PCLO: variants seen among roughly 807,000 people sequenced by gnomAD.
PCLO encodes protein piccolo.
PCLO carries 82 observed loss-of-function variants against 427.5 expected under a neutral mutation model. The ratio of observed to expected loss-of-function variants is 0.19; its 90% CI spans 0.16 to 0.23. The LOEUF is 0.23. PCLO is among the 10% of genes least tolerant of loss of function. The probability of loss-of-function intolerance (pLI) is 1.00; values close to 1 mark genes in which losing one functional copy is unlikely to be tolerated. For missense variants in PCLO, 6,239 were observed against 6,115.9 expected (o/e 1.02, Z -0.67); for synonymous variants, 2,357 against 2,155.4 (o/e 1.09, Z -2.59).
At chr7:82,774,057 C>A (rs1459781571) in intron 22 of PCLO, among the ~76,000 whole-genome samples, 1 of 152,158 alleles carries the variant, frequency 6.6e-6, no homozygotes, top group Non-Finnish European at 1.5e-5. Flanking sequence ...ATTCTTTAGA[C>A]CAAAAGGTAG....
At chr7:83,013,602 C>A (rs946487961) in intron 3 of PCLO, among the ~76,000 whole-genome samples, 23 of 152,174 alleles carry the variant, frequency 1.5e-4, no homozygotes, top group Non-Finnish European at 5.9e-5. Flanking sequence ...AAATAAGGCA[C>A]ATCCCTGACC....
intron 9 of PCLO, among the ~76,000 whole-genome samples, chr7:82,901,282 G>A (rs1384447343): frequency 6.6e-6 from 1 of 151,766 alleles, no homozygotes; most frequent in African/African-American, 2.4e-5. Flanking sequence ...AAAAAGTGAT[G>A]TTTTCCAAAA....
At chr7:82,982,412 T>C (rs1397631183) in intron 3 of PCLO, among the ~76,000 whole-genome samples, 1 of 152,046 alleles carries the variant, frequency 6.6e-6, no homozygotes, top group Non-Finnish European at 1.5e-5. Context: ...CATGCTAAAC[T>C]GAAGGCAAGT....
At chr7:82,848,827 C>G in intron 10 of PCLO, 1 of 311,380 alleles carries the variant, frequency 3.2e-6, no homozygotes, top group Non-Finnish European at 6.6e-6. Context: ...CATAAAAAGG[C>G]TCACAATAAC....
At chr7:83,024,531 G>T (rs893921396) in intron 3 of PCLO, among the ~76,000 whole-genome samples, 3 of 152,118 alleles carry the variant, frequency 2.0e-5, no homozygotes, top group African/African-American at 7.2e-5. Flanking sequence ...GCTGGGGGAG[G>T]GGCGCCCGCC....
At position 83,101,196 on chromosome 7, in the gene PCLO, T is replaced by C. The variant is rs548064186; in HGVS notation, c.3300+33054A>G. Among the ~76,000 whole-genome samples, 43 of 152,014 alleles carry C rather than the reference T, an allele frequency of 2.8e-4. 1 individual carries two copies. The South Asian group carries it at 5.8e-3, about 21-fold the overall frequency. On this transcript the variant is annotated intron_variant, in intron 3 of 24. Transcript: ENST00000333891. ...TACCACAAAAAAGGAACATAATCAA[T>C]TTCAAATCACTTTTCCTTTTTATAT... is the stretch of plus-strand genomic sequence containing the variant.
chr7:82,977,710 G>A (rs1796052995), intron 3 of PCLO, among the ~76,000 whole-genome samples: 1 of 151,936 alleles, frequency 6.6e-6, no homozygotes, highest in Non-Finnish European at 1.5e-5. Flanking sequence ...CACTGCACCT[G>A]GCCCAAAATT....
Position 82,849,084 on chromosome 7 carries a change from T to C in PCLO, c.13655-1837A>G, listed in dbSNP as rs2115832209. Among the ~76,000 whole-genome samples the C allele has an allele frequency of 2.0e-5, 3 of 152,258 alleles. No homozygotes were observed. In the Middle Eastern group the frequency reaches 0.01, roughly 518 times the overall value. On this transcript the variant is annotated intron_variant, in intron 10 of 24. Transcript: ENST00000333891. ...TTGAATTCAATCAAATTAAAGTTAT[T>C]ATATTTCAGAAATTTCATTGTCACA...
chr7:82,824,402 T>A lies in PCLO; in HGVS notation c.14430A>T (p.Leu4810Phe). The A allele has an allele frequency of 6.3e-7, 1 of 1,596,492 alleles. No individual in the cohort carries two copies. Among genetic ancestry groups the A allele is most frequent in the South Asian group, 1.1e-5 (1 of 88,262 alleles). The change falls in exon 19 of 25, where the codon TTA becomes TTT. Residue 4810 changes from leucine to phenylalanine, a missense_variant. Physicochemically the swap from Leu to Phe is conservative, Grantham distance 22. This residue lies in a region of PCLO where 877 missense variants were observed against 925.5 expected (regional missense o/e 0.95). Coordinates refer to ENST00000333891, the MANE Select transcript of PCLO (RefSeq NM_033026.6). ...TGTTATCGAGGTGAGATGTGCTAGA[T>A]AAATCAATCAATACCTGAAAAAAAG... ...NDFLGEVLID[L>F]SSTSHLDNTP...
chr7:83,148,223 A>G (rs1419418167), intron 2 of PCLO, among the ~76,000 whole-genome samples: 1 of 152,176 alleles, frequency 6.6e-6, no homozygotes, highest in East Asian at 1.9e-4. Context: ...ACCATTAAAA[A>G]TTCTAGATTG....
chr7:83,038,017 A>ATATT (rs1788848852), intron 3 of PCLO, among the ~76,000 whole-genome samples: 2 of 44,908 alleles, frequency 4.5e-5, no homozygotes, highest in African/African-American at 2.9e-4. Flanking sequence ...ATATATATAT[A>ATATT]TATATATATA....
rs73707552 is a variant in PCLO at position 83,116,409 on chromosome 7, T to C, written c.3300+17841A>G. Among the ~76,000 whole-genome samples, 1,287 of 152,302 alleles carry C rather than the reference T, an allele frequency of 8.5e-3. 10 individuals are homozygous for C. Among genetic ancestry groups the C allele is most frequent in the African/African-American group, 0.029 (1,215 of 41,572 alleles). On this transcript the variant is annotated intron_variant, in intron 3 of 24. Coordinates refer to ENST00000333891, the MANE Select transcript of PCLO (RefSeq NM_033026.6). The stretch of plus-strand genomic sequence containing the variant: ...GAGATGTTCTTATTCGAATATAAGA[T>C]TGAGTTATTTATTTCACAAGTTTTC...
chr7:82,812,279 G>A (rs577651349), intron 20 of PCLO, among the ~76,000 whole-genome samples: 14 of 151,568 alleles, frequency 9.2e-5, no homozygotes, highest in East Asian at 1.9e-4. Flanking sequence ...AGAAGTAATC[G>A]TATAAAACAA....
chr7:82,836,786 G>T (rs546688398), intron 15 of PCLO, among the ~76,000 whole-genome samples: 4 of 152,228 alleles, frequency 2.6e-5, no homozygotes, highest in African/African-American at 9.6e-5. Flanking sequence ...TTGGTGATCT[G>T]CCTGTGGTGA....
chr7:82,849,214 T>C (rs1375585175), intron 10 of PCLO, among the ~76,000 whole-genome samples: 13 of 152,072 alleles, frequency 8.5e-5, no homozygotes, highest in African/African-American at 2.9e-4. Flanking sequence ...AAAGGGCAAA[T>C]TTACAAAACA....
At chr7:82,837,846 T>G (rs1384254419) in intron 15 of PCLO, among the ~76,000 whole-genome samples, 1 of 152,004 alleles carries the variant, frequency 6.6e-6, no homozygotes, top group Non-Finnish European at 1.5e-5. Flanking sequence ...TTGTAAGTCC[T>G]TGAATATTGA....
intron 1 of PCLO, among the ~76,000 whole-genome samples, chr7:83,158,758 A>C (rs1792362222): frequency 6.6e-6 from 1 of 152,056 alleles, no homozygotes; most frequent in Non-Finnish European, 1.5e-5. Context: ...ACTTTACTAT[A>C]GAATCCCCAT....
chr7:83,090,427 C>A (rs1790350055), intron 3 of PCLO, among the ~76,000 whole-genome samples: 1 of 152,270 alleles, frequency 6.6e-6, no homozygotes, highest in East Asian at 1.9e-4. Flanking sequence ...GTTACTAGAA[C>A]GTTGCATTCC....
At chr7:83,098,425 C>T (rs1159941460) in intron 3 of PCLO, among the ~76,000 whole-genome samples, 1 of 152,030 alleles carries the variant, frequency 6.6e-6, no homozygotes, top group African/African-American at 2.4e-5. Context: ...GCGATAGACA[C>T]CAAGGGAATG....
Sources: gnomAD v4.1 joint callset for allele counts (sites outside exome capture counted in the v4.1 genomes callset) on GRCh38, gnomAD v4.1.1 for gene constraint, gnomAD v4.1.1 regional missense constraint, MANE v1.5 for transcripts, NCBI Gene and HGNC (gene_info 2026-07-23, HGNC 2026-07-21) for gene names.